The following BCAR3 variants were observed in gnomAD, a reference collection of about 807,000 sequenced individuals.
The protein encoded by BCAR3 is breast cancer anti-estrogen resistance protein 3.
A neutral mutation model predicts 80.1 loss-of-function variants in BCAR3; 37 were observed. The observed-to-expected ratio is 0.46, with a 90% CI of 0.36 to 0.61. The LOEUF is 0.61. Among genes scored for constraint, BCAR3 ranks in the 20% least tolerant of loss-of-function variants. The probability of loss-of-function intolerance (pLI) is 0.00; values close to 1 mark genes in which losing one functional copy is unlikely to be tolerated. For synonymous variants in BCAR3, 389 were observed against 418.9 expected (o/e 0.93, Z 0.87); for missense variants, 978 against 1,068.2 (o/e 0.92, Z 1.18).
chr1:93,800,650 CT>C (rs1300438727), intron 2 of BCAR3, among the ~76,000 whole-genome samples: 1 of 152,042 alleles, frequency 6.6e-6, no homozygotes, highest in Non-Finnish European at 1.5e-5. Context: ...TATTTGATGA[CT>C]GAATTTGGAT....
At chr1:93,620,336 C>T (rs1049013257) in intron 3 of BCAR3, among the ~76,000 whole-genome samples, 2 of 152,210 alleles carry the variant, frequency 1.3e-5, no homozygotes, top group Admixed American at 6.5e-5. Flanking sequence ...ATCACACTTG[C>T]CCAGATGTCT....
intron 2 of BCAR3, among the ~76,000 whole-genome samples, chr1:93,769,079 AG>A (rs1652257629): frequency 6.6e-6 from 1 of 152,198 alleles, no homozygotes; most frequent in African/African-American, 2.4e-5. Flanking sequence ...TAAAGAGAGC[AG>A]GGTCTATAAT....
At chr1:93,714,451 C>T (rs1174819386) in intron 2 of BCAR3, among the ~76,000 whole-genome samples, 1 of 152,150 alleles carries the variant, frequency 6.6e-6, no homozygotes. Flanking sequence ...TAAATATTCC[C>T]TGAAGGGACA....
intron 7 of BCAR3, among the ~76,000 whole-genome samples, chr1:93,579,961 A>C (rs1673632785): frequency 6.6e-6 from 1 of 152,230 alleles, no homozygotes; most frequent in Non-Finnish European, 1.5e-5. Flanking sequence ...AAATTGCGTG[A>C]CTACCTGTGA....
intron 2 of BCAR3, among the ~76,000 whole-genome samples, chr1:93,734,097 C>T (rs1351183375): frequency 1.3e-5 from 2 of 152,196 alleles, no homozygotes; most frequent in Non-Finnish European, 1.5e-5. Context: ...AATACACATT[C>T]GTAATTACAT....
chr1:93,747,532 T>A (rs1293306471), intron 2 of BCAR3, among the ~76,000 whole-genome samples: 40 of 151,648 alleles, frequency 2.6e-4, no homozygotes, highest in Admixed American at 2.6e-3. Context: ...TATCTCTTGA[T>A]TTTGTCTCCT....
At chr1:93,775,226 G>A (rs1392672915) in intron 2 of BCAR3, 1 of 152,246 alleles carries the variant, frequency 6.6e-6, no homozygotes, top group Non-Finnish European at 1.5e-5. Context: ...GAATCTCATG[G>A]TGCTGATGCT....
At chr1:93,757,397 G>C (rs1175593819) in intron 2 of BCAR3, among the ~76,000 whole-genome samples, 1 of 152,230 alleles carries the variant, frequency 6.6e-6, no homozygotes, top group African/African-American at 2.4e-5. Flanking sequence ...TGAGACAGCT[G>C]CTGGGAAGTC....
chr1:93,686,396 T>C (rs765627281), upstream of BCAR3, among the ~76,000 whole-genome samples: 3 of 152,144 alleles, frequency 2.0e-5, no homozygotes, highest in Non-Finnish European at 4.4e-5. Context: ...GCCTGGGCAA[T>C]ACAGTGAGCC....
At chr1:93,767,686 C>T (rs1042793886) in intron 2 of BCAR3, among the ~76,000 whole-genome samples, 7 of 152,042 alleles carry the variant, frequency 4.6e-5, no homozygotes, top group African/African-American at 7.3e-5. Context: ...ATCTGATTTT[C>T]GGTATGAAAA....
intron 2 of BCAR3, among the ~76,000 whole-genome samples, chr1:93,738,072 G>C (rs1057342624): frequency 6.6e-6 from 1 of 152,088 alleles, no homozygotes; most frequent in African/African-American, 2.4e-5. Context: ...GGCTTGAAGC[G>C]ATCCTCCTGC....
chr1:93,590,463 G>A (rs41292655), intron 4 of BCAR3: 21 of 152,312 alleles, frequency 1.4e-4, no homozygotes, highest in Non-Finnish European at 2.2e-4. Flanking sequence ...TCGTTATTAC[G>A]GTTATGGTTA....
intron 2 of BCAR3, among the ~76,000 whole-genome samples, chr1:93,783,037 G>A (rs11164992): frequency 0.14 from 20,538 of 152,114 alleles, 2,171 homozygotes; most frequent in African/African-American, 0.28. Context: ...ACATGAACTG[G>A]CAAAATCTAA....
chr1:93,798,189 C>A (rs1488415591), intron 2 of BCAR3, among the ~76,000 whole-genome samples: 1 of 152,104 alleles, frequency 6.6e-6, no homozygotes, highest in African/African-American at 2.4e-5. Flanking sequence ...TAGGGATGTG[C>A]TTTCCTGTCA....
At chr1:93,777,502 CTCCTCCTCCACCTCT>C (rs1652613553) in intron 2 of BCAR3, among the ~76,000 whole-genome samples, 1 of 150,836 alleles carries the variant, frequency 6.6e-6, no homozygotes, top group African/African-American at 2.4e-5. Flanking sequence ...CCTCCACCTC[CTCCTCCTCCACCTCT>C]TCCTCTTCTT....
intron 2 of BCAR3, among the ~76,000 whole-genome samples, chr1:93,808,870 T>G (rs1465007371): frequency 1.3e-5 from 2 of 152,242 alleles, no homozygotes; most frequent in Non-Finnish European, 2.9e-5. Flanking sequence ...GTAATCCTAG[T>G]TCACTACTTT....
At chr1:93,814,262 T>C (rs1236114339) in intron 2 of BCAR3, among the ~76,000 whole-genome samples, 1 of 152,244 alleles carries the variant, frequency 6.6e-6, no homozygotes, top group African/African-American at 2.4e-5. Flanking sequence ...GCAGCTGCTA[T>C]GCCTCTGCTG....
Position 93,592,201 on chromosome 1 carries a change from G to T in BCAR3, c.486+64C>A. The T allele has an allele frequency of 6.2e-7, 1 of 1,601,228 alleles. No homozygotes were observed. The highest frequency in any genetic ancestry group is 8.5e-7 in the Non-Finnish European group (1 of 1,176,092). ...GTGGCCTCGGAGTGGGACCCTGCGG[G>T]TCATCAATCTGTACATTGCCTGAGA... On this transcript the variant is annotated intron_variant, in intron 4 of 11. Coordinates refer to ENST00000260502, the MANE Select transcript of BCAR3 (RefSeq NM_003567.4). This position sits in a 1 kb window ranked among gnomAD's most constrained non-coding sequence, Gnocchi z 4.8.
At chr1:93,750,067 C>T (rs897567653) in intron 2 of BCAR3, among the ~76,000 whole-genome samples, 4 of 152,064 alleles carry the variant, frequency 2.6e-5, no homozygotes, top group Admixed American at 1.3e-4. Context: ...TGGCACCAGA[C>T]CAAAGAATCT....
Sources: allele counts gnomAD v4.1 joint callset (sites outside exome capture counted in the v4.1 genomes callset), GRCh38; gene constraint gnomAD v4.1.1; non-coding constraint Gnocchi (gnomAD v3.1); transcripts MANE v1.5; gene names NCBI Gene and HGNC (gene_info 2026-07-23, HGNC 2026-07-21).